The following RAPGEF5 variants were observed in gnomAD, a reference collection of about 807,000 sequenced individuals.
RAPGEF5 encodes the protein Rap guanine nucleotide exchange factor 5.
In RAPGEF5, 65 loss-of-function variants were observed where a neutral mutation model predicts 125.2. The observed-to-expected ratio is 0.52, with a 90% CI of 0.43 to 0.64. The LOEUF (loss-of-function observed/expected upper bound fraction) is 0.64. Among genes scored for constraint, RAPGEF5 ranks in the 30% least tolerant of loss-of-function variants. The pLI is 0.00. For missense variants in RAPGEF5, 958 were observed against 1,048.1 expected, an observed-to-expected ratio of 0.91 and a Z score of 1.19; for synonymous variants, 391 against 385.9, an observed-to-expected ratio of 1.01 and a Z score of -0.16.
intron 17 of RAPGEF5, among the ~76,000 whole-genome samples, chr7:22,153,515 C>T (rs1031397105): frequency 5.9e-5 from 9 of 152,214 alleles, no homozygotes; most frequent in Middle Eastern, 3.4e-3. Context: ...CATTTGCATA[C>T]GTAATCAACC....
At chr7:22,334,564 C>T (rs1362292615) in intron 1 of RAPGEF5, among the ~76,000 whole-genome samples, 1 of 152,190 alleles carries the variant, frequency 6.6e-6, no homozygotes, top group African/African-American at 2.4e-5. Flanking sequence ...GGAACACCTG[C>T]ATCCTGGACA....
At chr7:22,140,203 A>G in intron 20 of RAPGEF5, 88 bp from the exon 21 acceptor site, 1 of 1,199,524 alleles carries the variant, frequency 8.3e-7, no homozygotes, top group Admixed American at 2.0e-5. Context: ...AGACCCTCCT[A>G]GGCCACAGAG....
At chr7:22,134,452 C>T (rs1783016141) in intron 23 of RAPGEF5, among the ~76,000 whole-genome samples, 1 of 151,288 alleles carries the variant, frequency 6.6e-6, no homozygotes, top group African/African-American at 2.4e-5. Flanking sequence ...TCTCGATAAA[C>T]TCAGCAGAGC....
In RAPGEF5 at chr7:22,273,165, T is replaced by C. The variant is rs564640518; in HGVS notation, c.748-6153A>G. Among the ~76,000 whole-genome samples the C allele has an allele frequency of 7.2e-5, 11 of 151,958 alleles. No individual in the cohort carries two copies. In the East Asian group the frequency reaches 2.1e-3, roughly 29 times the overall value. On this transcript the variant is annotated intron_variant, in intron 6 of 25. Transcript: ENST00000665637. Reference sequence around the variant, plus strand: ...GTGTTTGTTAAGCATGCTGTGATGATAAAATGTATCTATCCTTACTCATCT... The same window carrying C: ...GTGTTTGTTAAGCATGCTGTGATGACAAAATGTATCTATCCTTACTCATCT...
intron 1 of RAPGEF5, among the ~76,000 whole-genome samples, chr7:22,341,654 C>T (rs1241944582): frequency 1.3e-5 from 2 of 152,170 alleles, no homozygotes; most frequent in East Asian, 3.9e-4. Context: ...GGAGAATTGG[C>T]CAAAACAAAG....
At chr7:22,290,521 G>A (rs926416552) in intron 6 of RAPGEF5, among the ~76,000 whole-genome samples, 3 of 152,072 alleles carry the variant, frequency 2.0e-5, no homozygotes, top group African/African-American at 4.8e-5. Flanking sequence ...TGAGGCGGGC[G>A]GATCACAAGG....
At chr7:22,346,495 G>C (rs918853951) in intron 1 of RAPGEF5, among the ~76,000 whole-genome samples, 2 of 152,084 alleles carry the variant, frequency 1.3e-5, no homozygotes, top group Admixed American at 1.3e-4. Flanking sequence ...TAGAGTGTCA[G>C]AGCAAGCAGA....
intron 11 of RAPGEF5, among the ~76,000 whole-genome samples, chr7:22,175,183 A>G (rs1784467162): frequency 6.6e-6 from 1 of 152,218 alleles, no homozygotes; most frequent in Non-Finnish European, 1.5e-5. Flanking sequence ...AGGATTGGAA[A>G]TGAGTGTTAA....
chr7:22,252,846 GCTATTA>G (rs1251913942), intron 7 of RAPGEF5, among the ~76,000 whole-genome samples: 3 of 151,948 alleles, frequency 2.0e-5, no homozygotes, highest in Non-Finnish European at 4.4e-5. Flanking sequence ...CTTTACCAGT[GCTATTA>G]CTTTCTTGAT....
At chr7:22,146,300 A>C (rs937109775) in intron 19 of RAPGEF5, among the ~76,000 whole-genome samples, 4 of 152,206 alleles carry the variant, frequency 2.6e-5, no homozygotes, top group Admixed American at 2.0e-4. Flanking sequence ...GATTCCTGTG[A>C]GGGTTTTCTC....
chr7:22,202,131 G>A (rs986365187), intron 9 of RAPGEF5, among the ~76,000 whole-genome samples: 1 of 152,190 alleles, frequency 6.6e-6, no homozygotes, highest in Non-Finnish European at 1.5e-5. Context: ...CTTGAAGTCT[G>A]CAGAACAAAA....
At chr7:22,126,143 C>T (rs1049173632) in intron 24 of RAPGEF5, among the ~76,000 whole-genome samples, 1 of 152,004 alleles carries the variant, frequency 6.6e-6, no homozygotes, top group African/African-American at 2.4e-5. Flanking sequence ...AGTGAGACTC[C>T]GTCTCAAAAA....
At chr7:22,204,628 C>T (rs1005185565) in intron 9 of RAPGEF5, among the ~76,000 whole-genome samples, 3 of 152,156 alleles carry the variant, frequency 2.0e-5, no homozygotes, top group East Asian at 3.8e-4. Context: ...AGTAAACACT[C>T]CTGTTTTTTC....
chr7:22,355,548 C>A (rs932134040), intron 1 of RAPGEF5, among the ~76,000 whole-genome samples: 1 of 152,156 alleles, frequency 6.6e-6, no homozygotes, highest in Non-Finnish European at 1.5e-5. Flanking sequence ...ATCCTAAATG[C>A]CACACATGTT....
chr7:22,193,820 G>A, intron 10 of RAPGEF5, 95 bp downstream of exon 10: 1 of 1,611,612 alleles, frequency 6.2e-7, no homozygotes, highest in Non-Finnish European at 8.5e-7. Flanking sequence ...GGGTAGAGGA[G>A]GCAGAGAGCG....
chr7:22,300,140 G>C (rs901893020), intron 5 of RAPGEF5, among the ~76,000 whole-genome samples: 5 of 152,094 alleles, frequency 3.3e-5, no homozygotes, highest in African/African-American at 1.2e-4. Flanking sequence ...CCAAGTCCCT[G>C]AGACTATTCA....
intron 20 of RAPGEF5, among the ~76,000 whole-genome samples, chr7:22,143,434 A>G (rs762101887): frequency 1.3e-5 from 2 of 152,078 alleles, no homozygotes; most frequent in Non-Finnish European, 2.9e-5. Context: ...CTTTCAAAAA[A>G]TCCCTTCTCC....
At chr7:22,158,887 G>A (rs1289767841) in intron 14 of RAPGEF5, among the ~76,000 whole-genome samples, 1 of 152,158 alleles carries the variant, frequency 6.6e-6, no homozygotes, top group Non-Finnish European at 1.5e-5. Flanking sequence ...TCCCACCTCT[G>A]ACTCCCAAAG....
intron 11 of RAPGEF5, chr7:22,191,752 C>A: frequency 2.2e-6 from 1 of 450,628 alleles, no homozygotes; most frequent in Non-Finnish European, 4.7e-6. Flanking sequence ...TTGTCATTCT[C>A]AGTGTTAAGT....
Sources: gnomAD v4.1 joint callset for allele counts (sites outside exome capture counted in the v4.1 genomes callset) on GRCh38, gnomAD v4.1.1 for gene constraint, MANE v1.5 for transcripts, NCBI Gene and HGNC (gene_info 2026-07-23, HGNC 2026-07-21) for gene names.